TSPAN18: variants seen among roughly 807,000 people sequenced by gnomAD.
TSPAN18 encodes tetraspanin 18.
A neutral mutation model predicts 27.3 loss-of-function variants in TSPAN18; 14 were observed. The ratio of observed to expected loss-of-function variants is 0.51; its 90% CI spans 0.34 to 0.80. TSPAN18 has a LOEUF of 0.80. Ranked by LOEUF, TSPAN18 falls within the 30% of genes least tolerant of loss-of-function variation. The pLI is 0.01. For missense variants in TSPAN18, 268 were observed against 323.9 expected (o/e 0.83, Z 1.32); for synonymous variants, 143 against 136.5 (o/e 1.05, Z -0.33).
chr11:44,818,246 C>A (rs1789383712), intron 2 of TSPAN18, among the ~76,000 whole-genome samples: 1 of 152,208 alleles, frequency 6.6e-6, no homozygotes, highest in East Asian at 1.9e-4. Context: ...CAGGAAAGCC[C>A]ATTTCCCTCC....
intron 9 of TSPAN18, 137 bp from the exon 10 acceptor site, chr11:44,928,994 G>C: frequency 9.0e-7 from 1 of 1,115,734 alleles, no homozygotes; most frequent in South Asian, 1.4e-5. Flanking sequence ...CTGGCCCCAG[G>C]GGAATGTCAG....
chr11:44,895,726 C>G (rs1438152763), intron 3 of TSPAN18, among the ~76,000 whole-genome samples: 2 of 152,218 alleles, frequency 1.3e-5, no homozygotes, highest in Non-Finnish European at 2.9e-5. Flanking sequence ...GCATCTCCTC[C>G]TTGTCTCTGG....
intron 1 of TSPAN18, among the ~76,000 whole-genome samples, chr11:44,752,479 A>G (rs1367725728): frequency 6.6e-6 from 1 of 152,148 alleles, no homozygotes; most frequent in Non-Finnish European, 1.5e-5. Context: ...TGTTTTGTAG[A>G]TGGGATGCTG....
intron 1 of TSPAN18, among the ~76,000 whole-genome samples, chr11:44,732,266 G>C (rs1413332478): frequency 6.6e-6 from 1 of 152,216 alleles, no homozygotes; most frequent in East Asian, 1.9e-4. Context: ...TTATCATGGG[G>C]CAGACACTTG....
chr11:44,817,704 C>A (rs1041714628), intron 2 of TSPAN18, among the ~76,000 whole-genome samples: 3 of 152,210 alleles, frequency 2.0e-5, no homozygotes, highest in Admixed American at 2.0e-4. Flanking sequence ...GAGGCTATAG[C>A]AAGAATGTGG....
intron 5 of TSPAN18, among the ~76,000 whole-genome samples, chr11:44,916,570 G>A (rs774529976): frequency 9.9e-5 from 15 of 152,158 alleles, no homozygotes; most frequent in African/African-American, 2.2e-4. Flanking sequence ...ATCCCCAGAA[G>A]TGGGTCTCCA....
Position 44,930,285 on chromosome 11 carries a change from TC to T in TSPAN18, c.*1109del. The T allele has an allele frequency of 6.5e-6, 1 of 153,090 alleles. No homozygotes were observed. The highest frequency in any genetic ancestry group is 1.5e-5 in the Non-Finnish European group (1 of 68,640). The allele number at this position is 153,090 out of a possible 1,614,324, so 9.5% of individuals were successfully genotyped here. Reference sequence around the variant, plus strand: ...AGACTTCTCCACCCTCTTGCATACCTCCAGGGACAGAGAGCTTACTACCTCC... The same window carrying T: ...AGACTTCTCCACCCTCTTGCATACCTCAGGGACAGAGAGCTTACTACCTCC... On this transcript the variant is annotated 3_prime_UTR_variant, in exon 10 of 10. Transcript: ENST00000520358.
At chr11:44,923,146 C>T (rs955033965) in intron 8 of TSPAN18, among the ~76,000 whole-genome samples, 1 of 152,116 alleles carries the variant, frequency 6.6e-6, no homozygotes, top group African/African-American at 2.4e-5. Context: ...AACAGCTGAG[C>T]AGAGGTGTCC....
chr11:44,751,573 C>A (rs1051446724), intron 1 of TSPAN18, among the ~76,000 whole-genome samples: 1 of 151,994 alleles, frequency 6.6e-6, no homozygotes, highest in Non-Finnish European at 1.5e-5. Context: ...GAAGGGAGTG[C>A]GATTGTTTCT....
At chr11:44,895,810 C>T (rs1378584079) in intron 3 of TSPAN18, among the ~76,000 whole-genome samples, 1 of 152,186 alleles carries the variant, frequency 6.6e-6, no homozygotes, top group Admixed American at 6.5e-5. Context: ...AATGGTGATA[C>T]AGGGGACCAG....
In TSPAN18 at chr11:44,761,211, T is replaced by C. The variant is rs1037923154; in HGVS notation, c.-239-3215T>C. Among the ~76,000 whole-genome samples the C allele has an allele frequency of 3.9e-5, 6 of 152,322 alleles. No homozygotes were observed. In the East Asian group the frequency reaches 1.2e-3, roughly 29 times the overall value. On this transcript the variant is annotated intron_variant, in intron 1 of 9. Coordinates refer to ENST00000520358, the MANE Select transcript of TSPAN18 (RefSeq NM_130783.5). Reference sequence around the variant, plus strand: ...CTGGGGCTGGGAGGGTTGTCGGGACTTCCCAAAGCCCAAGACTAATCGGGT... The same window carrying C: ...CTGGGGCTGGGAGGGTTGTCGGGACCTCCCAAAGCCCAAGACTAATCGGGT...
chr11:44,841,243 G>A (rs555193079), intron 2 of TSPAN18, among the ~76,000 whole-genome samples: 68 of 152,302 alleles, frequency 4.5e-4, no homozygotes, highest in African/African-American at 1.4e-3. Context: ...GTGGCCAGGC[G>A]TGGTGGCTCA....
rs114854485 is a variant in TSPAN18, at chr11:44,889,302, G to C, written c.-10-17105G>C. On this transcript the variant is annotated intron_variant, in intron 3 of 9. Transcript: ENST00000520358. Reference sequence around the variant, plus strand: ...ACCCCTCTCCTTGAAGATGATTTCAGGGCTGAGGTGGACATCTCAGAGTCC... The same window carrying C: ...ACCCCTCTCCTTGAAGATGATTTCACGGCTGAGGTGGACATCTCAGAGTCC... Among the ~76,000 whole-genome samples, 1,474 of 152,262 alleles carry C rather than the reference G, an allele frequency of 9.7e-3. 33 individuals are homozygous for C. The highest frequency in any genetic ancestry group is 0.033 in the African/African-American group (1,388 of 41,552).
rs1199534951 is a variant in TSPAN18, at chr11:44,930,875, A to G, written c.*1697A>G. 1.9e-6 allele frequency: 1 copy of G among 521,922 alleles called. No individual in the cohort carries two copies. The highest frequency in any genetic ancestry group is 2.0e-5 in the Admixed American group (1 of 49,812). 32.3% of individuals were successfully genotyped at this position (521,922 alleles called of 1,614,324 possible). A position where few individuals can be genotyped will look rare whatever the true frequency, so the allele number is the denominator to read the frequency against. On this transcript the variant is annotated 3_prime_UTR_variant, in exon 10 of 10. Transcript: ENST00000520358. ...GTCCCTCTTCAGGAAGAAAGAGCTCATTCTGTCTCACAAGCCACCGGCATC... is the reference window on the plus strand; with the variant it reads ...GTCCCTCTTCAGGAAGAAAGAGCTCGTTCTGTCTCACAAGCCACCGGCATC...
intron 1 of TSPAN18, among the ~76,000 whole-genome samples, chr11:44,759,764 A>T (rs1456331086): frequency 6.6e-6 from 1 of 152,244 alleles, no homozygotes; most frequent in Non-Finnish European, 1.5e-5. Context: ...ACTGAGACTC[A>T]GAGGGAGTAA....
intron 2 of TSPAN18, among the ~76,000 whole-genome samples, chr11:44,808,165 A>G (rs1160141361): frequency 6.6e-6 from 1 of 152,164 alleles, no homozygotes; most frequent in Admixed American, 6.5e-5. Context: ...TTCTGCAACA[A>G]CTTCCCCCAG....
chr11:44,920,384 A>G (rs1218834538), intron 8 of TSPAN18, among the ~76,000 whole-genome samples: 1 of 152,082 alleles, frequency 6.6e-6, no homozygotes. Flanking sequence ...TGTATTTTGG[A>G]GGAAGCTCTT....
chr11:44,928,876 C>T (rs1223950300), intron 9 of TSPAN18, among the ~76,000 whole-genome samples: 2 of 152,078 alleles, frequency 1.3e-5, no homozygotes, highest in Admixed American at 6.5e-5. Context: ...CTAAGGACAA[C>T]CCTGCTATGT....
chr11:44,746,939 C>T (rs1855091549), intron 1 of TSPAN18, among the ~76,000 whole-genome samples: 1 of 152,232 alleles, frequency 6.6e-6, no homozygotes, highest in Admixed American at 6.5e-5. Context: ...TGGACCCAGC[C>T]TTCCCATTGC....
Sources: gnomAD v4.1 joint callset for allele counts (sites outside exome capture counted in the v4.1 genomes callset) on GRCh38, gnomAD v4.1.1 for gene constraint, MANE v1.5 for transcripts, NCBI Gene and HGNC (gene_info 2026-07-23, HGNC 2026-07-21) for gene names.